The following PRKCA variants were observed in gnomAD, a reference collection of about 807,000 sequenced individuals.
The protein encoded by PRKCA is protein kinase C alpha, also known as protein kinase C alpha type.
A neutral mutation model predicts 87.0 loss-of-function variants in PRKCA; 27 were observed. The ratio of observed to expected loss-of-function variants is 0.31; its 90% confidence interval spans 0.23 to 0.43. The LOEUF is 0.43. Among genes scored for constraint, PRKCA ranks in the 20% least tolerant of loss-of-function variants. The pLI is 1.00. For synonymous variants in PRKCA, 329 were observed against 311.1 expected, an observed-to-expected ratio of 1.06 and a Z score of -0.61; for missense variants, 518 against 852.3, an observed-to-expected ratio of 0.61 and a Z score of 4.88.
At chr17:66,490,297 T>C (rs1916182069) in intron 2 of PRKCA, among the ~76,000 whole-genome samples, 3 of 152,130 alleles carry the variant, frequency 2.0e-5, no homozygotes, top group Admixed American at 2.0e-4. Context: ...TGGCATTAAG[T>C]ACCTTCCCAG....
At chr17:66,624,615 A>G (rs1970792096) in intron 3 of PRKCA, among the ~76,000 whole-genome samples, 1 of 152,052 alleles carries the variant, frequency 6.6e-6, no homozygotes, top group Non-Finnish European at 1.5e-5. Flanking sequence ...AGCGTGGCCA[A>G]CGTGGTGAAA....
At chr17:66,595,999 C>T (rs140825120) in intron 3 of PRKCA, among the ~76,000 whole-genome samples, 1 of 152,216 alleles carries the variant, frequency 6.6e-6, no homozygotes, top group Admixed American at 6.5e-5. Flanking sequence ...AGAGCTGGCT[C>T]ATCCTGTAGG....
rs9901495 is a variant in PRKCA, at chr17:66,569,214, A to G, written c.289-72141A>G. ...ATTGAAACATCAAAGAATGAAAGGTAGACTGGTATTGGGGGAAGATATTTG... is the reference window on the plus strand; with the variant it reads ...ATTGAAACATCAAAGAATGAAAGGTGGACTGGTATTGGGGGAAGATATTTG... On this transcript the variant is annotated intron_variant, in intron 3 of 16. Transcript: ENST00000413366. 3.3e-3 allele frequency among the ~76,000 whole-genome samples: 503 copies of G among 152,288 alleles called. 5 individuals carry two copies. Among genetic ancestry groups the G allele is most frequent in the African/African-American group, 0.011 (465 of 41,540 alleles).
Position 66,770,183 on chromosome 17 carries a change from G to A in PRKCA, c.1525-3804G>A, listed in dbSNP as rs1974901692. On this transcript the variant is annotated intron_variant, in intron 13 of 16. Coordinates refer to ENST00000413366, the MANE Select transcript of PRKCA (RefSeq NM_002737.3). ...AAGAAGCAGATCCAAGTATGTGTAA[G>A]TTCATTTGTTCATTCATGCATCCAG... Among the ~76,000 whole-genome samples the A allele has an allele frequency of 2.0e-5, 3 of 152,310 alleles. 1 individual carries two copies. Among genetic ancestry groups the A allele is most frequent in the Admixed American group, 2.0e-4 (3 of 15,280 alleles).
intron 13 of PRKCA, among the ~76,000 whole-genome samples, chr17:66,749,523 T>C (rs941169773): frequency 1.3e-5 from 2 of 152,154 alleles, no homozygotes; most frequent in African/African-American, 4.8e-5. Context: ...GTCCCTGCTG[T>C]TTTTCATGGC....
At chr17:66,634,608 T>G (rs373991156) in intron 3 of PRKCA, among the ~76,000 whole-genome samples, 38 of 152,336 alleles carry the variant, frequency 2.5e-4, no homozygotes, top group African/African-American at 8.2e-4. Flanking sequence ...GATAAAAGTG[T>G]GCTTTGTTAA....
intron 3 of PRKCA, among the ~76,000 whole-genome samples, chr17:66,623,385 A>C (rs1970748869): frequency 6.6e-6 from 1 of 152,186 alleles, no homozygotes. Context: ...AACTTCATGT[A>C]ATGGTGTGTC....
chr17:66,753,198 G>A (rs1423751788), intron 13 of PRKCA, among the ~76,000 whole-genome samples: 2 of 152,144 alleles, frequency 1.3e-5, no homozygotes, highest in East Asian at 3.8e-4. Context: ...CCCCAGGCTG[G>A]GCTCTCCTTA....
chr17:66,680,438 C>G (rs1972458060), intron 5 of PRKCA, among the ~76,000 whole-genome samples: 1 of 151,950 alleles, frequency 6.6e-6, no homozygotes, highest in Non-Finnish European at 1.5e-5. Flanking sequence ...AAGTAGAAGC[C>G]AGGAGCAGGG....
chr17:66,705,609 ATAT>A (rs1441776303), intron 8 of PRKCA, among the ~76,000 whole-genome samples: 1 of 152,178 alleles, frequency 6.6e-6, no homozygotes, highest in Non-Finnish European at 1.5e-5. Context: ...GGTTGAAGAA[ATAT>A]TAGTTAATAT....
chr17:66,511,151 GC>G (rs1917211418), intron 3 of PRKCA, among the ~76,000 whole-genome samples: 1 of 152,110 alleles, frequency 6.6e-6, no homozygotes, highest in South Asian at 2.1e-4. Flanking sequence ...CAAGTCCCAA[GC>G]CTATTCCTCC....
intron 3 of PRKCA, among the ~76,000 whole-genome samples, chr17:66,624,399 G>A (rs1208909912): frequency 6.6e-6 from 1 of 152,166 alleles, no homozygotes; most frequent in Non-Finnish European, 1.5e-5. Context: ...AAGGAGTAGG[G>A]AGAAAAAGAT....
chr17:66,447,813 TCTC>T (rs1026631441), intron 2 of PRKCA, among the ~76,000 whole-genome samples: 1 of 152,204 alleles, frequency 6.6e-6, no homozygotes, highest in African/African-American at 2.4e-5. Context: ...ACGTCTAGGC[TCTC>T]CTCCTTCTGA....
intron 8 of PRKCA, among the ~76,000 whole-genome samples, chr17:66,721,269 C>T (rs1973608324): frequency 1.3e-5 from 2 of 151,712 alleles, no homozygotes; most frequent in African/African-American, 4.8e-5. Flanking sequence ...TGGTGGTGGG[C>T]ACCTGTAGTC....
chr17:66,535,067 C>T (rs781514599), intron 3 of PRKCA, among the ~76,000 whole-genome samples: 1 of 152,194 alleles, frequency 6.6e-6, no homozygotes, highest in Non-Finnish European at 1.5e-5. Flanking sequence ...AATTATTCCT[C>T]AAATTATCCC....
At chr17:66,665,023 G>C (rs903568955) in intron 5 of PRKCA, among the ~76,000 whole-genome samples, 8 of 152,038 alleles carry the variant, frequency 5.3e-5, no homozygotes, top group African/African-American at 1.9e-4. Flanking sequence ...GGATTTTTAT[G>C]GGTCTTATTC....
At chr17:66,575,972 G>T (rs939440881) in intron 3 of PRKCA, among the ~76,000 whole-genome samples, 5 of 151,820 alleles carry the variant, frequency 3.3e-5, no homozygotes, top group Non-Finnish European at 7.4e-5. Context: ...AAATTAGCCA[G>T]GTGTGGTGAT....
At chr17:66,790,256 G>A (rs2144389764) in intron 16 of PRKCA, among the ~76,000 whole-genome samples, 1 of 152,294 alleles carries the variant, frequency 6.6e-6, no homozygotes, top group African/African-American at 2.4e-5. Context: ...TGAGCCCACT[G>A]GATTTTATTT....
intron 3 of PRKCA, among the ~76,000 whole-genome samples, chr17:66,595,662 C>T (rs1969953129): frequency 6.6e-6 from 1 of 151,954 alleles, no homozygotes; most frequent in Non-Finnish European, 1.5e-5. Flanking sequence ...AGGGTTTCAC[C>T]ATGTTAGCTA....
Sources: gnomAD v4.1 joint callset for allele counts (sites outside exome capture counted in the v4.1 genomes callset) on GRCh38, gnomAD v4.1.1 for gene constraint, MANE v1.5 for transcripts, NCBI Gene and HGNC (gene_info 2026-07-23, HGNC 2026-07-21) for gene names.